The following SDK2 variants were observed in gnomAD, a reference collection of about 807,000 sequenced individuals.
SDK2 encodes the protein sidekick cell adhesion molecule 2, also known as protein sidekick-2.
In SDK2, 105 loss-of-function variants were observed where a neutral mutation model predicts 253.9. That is an observed-to-expected ratio of 0.41 (90% CI 0.35 to 0.49). The LOEUF (loss-of-function observed/expected upper bound fraction) is 0.49. Ranked by LOEUF, SDK2 falls within the 20% of genes least tolerant of loss-of-function variation. The probability of loss-of-function intolerance (pLI) is 0.06; values close to 1 mark genes in which losing one functional copy is unlikely to be tolerated. For missense variants in SDK2, 2,608 were observed against 3,003.0 expected (o/e 0.87, Z 3.07); for synonymous variants, 1,249 against 1,234.9 (o/e 1.01, Z -0.24).
At chr17:73,446,659 A>G (rs951491571) in intron 5 of SDK2, among the ~76,000 whole-genome samples, 1 of 152,182 alleles carries the variant, frequency 6.6e-6, no homozygotes, top group Non-Finnish European at 1.5e-5. Flanking sequence ...GTGGGCAAGT[A>G]CCATCGTGAC....
intron 2 of SDK2, among the ~76,000 whole-genome samples, chr17:73,499,156 A>G: frequency 6.6e-6 from 1 of 152,364 alleles, no homozygotes; most frequent in African/African-American, 2.4e-5. Context: ...GAGGCCAGAA[A>G]GAGGGCCAGA....
chr17:73,472,143 C>T lies in SDK2; in HGVS notation c.300G>A (p.Leu100=). ...RCIVRNRMGA[L]LQRQTEVQVA... ...CCTGGACCTCGGTTTGCCGCTGCAG[C>T]AGGGCCCCCATTCGGTTCCGCACGA... Residue 100 remains leucine (L), a synonymous_variant, in exon 3 of 45, where the codon CTG becomes CTA. Coordinates refer to ENST00000392650, the MANE Select transcript of SDK2 (RefSeq NM_001144952.2). The T allele has an allele frequency of 6.4e-7, 1 of 1,551,664 alleles. No homozygotes were observed.
At chr17:73,471,136 A>T (rs1351688808) in intron 3 of SDK2, among the ~76,000 whole-genome samples, 1 of 152,030 alleles carries the variant, frequency 6.6e-6, no homozygotes, top group African/African-American at 2.4e-5. Context: ...AGGGCCTCCC[A>T]CTTCACTCTC....
Position 73,352,715 on chromosome 17 carries a change from G to A in SDK2, c.5594-78C>T, listed in dbSNP as rs146331595. The A allele has an allele frequency of 1.4e-3, 2,016 of 1,456,582 alleles. 22 individuals carry two copies. The African/African-American group carries it at 0.025, about 18-fold the overall frequency. 90.2% of individuals were successfully genotyped at this position (1,456,582 alleles called of 1,614,324 possible). ...CCGCTCCCAGCCCCGTTCTGACTAT[G>A]CTCCCTGAGGGCTGGGCCTGTTGGA... On this transcript the variant is annotated intron_variant, in intron 40 of 44. Transcript: ENST00000392650. This position sits in a 1 kb window ranked among gnomAD's most constrained non-coding sequence, Gnocchi z 4.1.
In SDK2 at chr17:73,599,872, C is replaced by T. The variant is rs139187700; in HGVS notation, c.64+44153G>A. Among the ~76,000 whole-genome samples the T allele has an allele frequency of 3.1e-3, 479 of 152,290 alleles. 2 individuals are homozygous for T. The highest frequency in any genetic ancestry group is 0.01 in the African/African-American group (426 of 41,556). On this transcript the variant is annotated intron_variant, in intron 1 of 44. Transcript: ENST00000392650. ...AGGCTCCTCAGCTGTGATGGGGGGTCCTTCAGTGAAGGTAGGTGCCAAGTC... is the reference window on the plus strand; with the variant it reads ...AGGCTCCTCAGCTGTGATGGGGGGTTCTTCAGTGAAGGTAGGTGCCAAGTC...
Position 73,356,771 on chromosome 17 carries a change from C to T in SDK2, c.5593+1308G>A, listed in dbSNP as rs1476318104. On this transcript the variant is annotated intron_variant, in intron 40 of 44. Coordinates refer to ENST00000392650, the MANE Select transcript of SDK2 (RefSeq NM_001144952.2). ...GGCCCTGCTCCGAGTCCTGGTTTCT[C>T]ACAGGGCCCTGGCTTGGTCCTTCCT... Among the ~76,000 whole-genome samples the T allele has an allele frequency of 3.3e-5, 5 of 152,238 alleles. No homozygotes were observed. In the East Asian group the frequency reaches 9.6e-4, roughly 29 times the overall value.
intron 32 of SDK2, among the ~76,000 whole-genome samples, chr17:73,385,261 G>A (rs931979622): frequency 2.0e-5 from 3 of 152,206 alleles, no homozygotes; most frequent in African/African-American, 7.2e-5. Context: ...TGAGCAGCCT[G>A]GTCGCTGAGG....
chr17:73,597,411 C>A (rs1179012792), intron 1 of SDK2, among the ~76,000 whole-genome samples: 1 of 152,170 alleles, frequency 6.6e-6, no homozygotes, highest in African/African-American at 2.4e-5. Flanking sequence ...TTCTATAAAG[C>A]AGGGGCCTCT....
At chr17:73,346,625 G>A (rs1428486946) in intron 44 of SDK2, among the ~76,000 whole-genome samples, 2 of 152,096 alleles carry the variant, frequency 1.3e-5, no homozygotes, top group Non-Finnish European at 2.9e-5. Flanking sequence ...CTGAATTATA[G>A]CCTTTCTCAC....
At chr17:73,543,237 G>A (rs2044898314) in intron 1 of SDK2, among the ~76,000 whole-genome samples, 1 of 152,076 alleles carries the variant, frequency 6.6e-6, no homozygotes, top group Non-Finnish European at 1.5e-5. Flanking sequence ...GAGGGGAGGA[G>A]GAGGAGAGGC....
At chr17:73,610,048 G>A (rs1448881365) in intron 1 of SDK2, among the ~76,000 whole-genome samples, 4 of 152,298 alleles carry the variant, frequency 2.6e-5, no homozygotes, top group East Asian at 1.9e-4. Context: ...TCAGCCCCAC[G>A]GAGACATGGG....
intron 27 of SDK2, among the ~76,000 whole-genome samples, chr17:73,392,018 C>A (rs1473211303): frequency 6.6e-6 from 1 of 152,184 alleles, no homozygotes; most frequent in Non-Finnish European, 1.5e-5. Flanking sequence ...CCCAGAGAGG[C>A]CTAAGCACGC....
At chr17:73,374,664 C>T (rs531071929) in intron 36 of SDK2, among the ~76,000 whole-genome samples, 12 of 148,444 alleles carry the variant, frequency 8.1e-5, no homozygotes, top group African/African-American at 2.6e-4. Context: ...GATGCGGTTT[C>T]GTCATGTTGG....
At position 73,438,136 on chromosome 17, in the gene SDK2, A is replaced by G. The variant is rs2063385440; in HGVS notation, c.744T>C (p.His248=). 6.4e-7 allele frequency: 1 copy of G among 1,551,418 alleles called. No homozygotes were observed. Residue 248 remains histidine, a synonymous_variant, in exon 7 of 45, where the codon CAT becomes CAC. Coordinates refer to ENST00000392650, the MANE Select transcript of SDK2 (RefSeq NM_001144952.2). The part of the protein sequence containing the change: ...VANARPLIKL[H]IIWKKDGVLL... ...ATACCCCGTCCTTCTTCCAAATGAT[A>G]TGTAGCTTGATCAGGGGCCTGCAGA... is the stretch of plus-strand genomic sequence containing the variant.
intron 5 of SDK2, among the ~76,000 whole-genome samples, chr17:73,442,880 C>CTT (rs35336754): frequency 5.4e-5 from 8 of 149,188 alleles, no homozygotes; most frequent in Non-Finnish European, 8.9e-5. Context: ...GTAGCAATTC[C>CTT]TTTTTTTTAT....
chr17:73,371,775 C>A (rs1461019234), intron 36 of SDK2, among the ~76,000 whole-genome samples: 1 of 152,098 alleles, frequency 6.6e-6, no homozygotes, highest in African/African-American at 2.4e-5. Flanking sequence ...GCCTGGCCAA[C>A]ATGGCGAAAC....
At chr17:73,345,732 C>T (rs1009139636) in intron 44 of SDK2, among the ~76,000 whole-genome samples, 1 of 152,078 alleles carries the variant, frequency 6.6e-6, no homozygotes, top group African/African-American at 2.4e-5. Context: ...TGGGGGCCTT[C>T]CCAACTCTCT....
chr17:73,609,399 C>T lies in SDK2; in HGVS notation c.64+34626G>A, dbSNP rs1229181654. 6.6e-6 allele frequency among the ~76,000 whole-genome samples: 1 copy of T among 152,112 alleles called. No homozygotes were observed. Among genetic ancestry groups the T allele is most frequent in the Admixed American group, 6.6e-5 (1 of 15,266 alleles). ...AGAAAGGCACCAAACTGAGAGCCAG[C>T]CAAGAGAAGACCACGATGGACCTAG... is the stretch of plus-strand genomic sequence containing the variant. On this transcript the variant is annotated intron_variant, in intron 1 of 44. Coordinates refer to ENST00000392650, the MANE Select transcript of SDK2 (RefSeq NM_001144952.2). The surrounding 1 kb of genome is among the most constrained non-coding windows in gnomAD (Gnocchi z 4.4).
chr17:73,400,009 G>A (rs962911867), intron 21 of SDK2, among the ~76,000 whole-genome samples: 2 of 152,172 alleles, frequency 1.3e-5, no homozygotes, highest in Non-Finnish European at 2.9e-5. Flanking sequence ...ACCATGCCCC[G>A]TGAACACTAC....
Sources: allele counts gnomAD v4.1 joint callset (sites outside exome capture counted in the v4.1 genomes callset), GRCh38; gene constraint gnomAD v4.1.1; non-coding constraint Gnocchi (gnomAD v3.1); transcripts MANE v1.5; gene names NCBI Gene and HGNC (gene_info 2026-07-23, HGNC 2026-07-21).